NBPF20: variants seen among roughly 807,000 people sequenced by gnomAD.
NBPF20 encodes NBPF member 20, also known as NBPF family member NBPF20.
In NBPF20, 90 loss-of-function variants were observed where a neutral mutation model predicts 68.1. The ratio of observed to expected loss-of-function variants is 1.32; its 90% CI spans 1.11 to 1.58. The LOEUF (loss-of-function observed/expected upper bound fraction) is 1.58. Among genes scored for constraint, NBPF20 ranks in the 40% most tolerant of loss-of-function variants. The probability of loss-of-function intolerance (pLI) is 0.00; values close to 1 mark genes in which losing one functional copy is unlikely to be tolerated. For missense variants in NBPF20, 816 were observed against 601.2 expected (o/e 1.36, Z -3.74); for synonymous variants, 290 against 228.1 (o/e 1.27, Z -2.45).
chr1:145,406,082 CTAA>C (rs1553667287), upstream of NBPF20, among the ~76,000 whole-genome samples: 1 of 143,690 alleles, frequency 7.0e-6, no homozygotes, highest in African/African-American at 2.7e-5. Context: ...CCACGCCCGG[CTAA>C]TTTTTTTTTT....
chr1:145,334,849 G>A, intron 83 of NBPF20, among the ~76,000 whole-genome samples: 1 of 139,140 alleles, frequency 7.2e-6, no homozygotes, highest in Admixed American at 7.2e-5. Flanking sequence ...GAGAGAGAGA[G>A]AGAGAGAGAG....
chr1:145,401,242 C>A, intron 4 of NBPF20, 111 bp from the exon 10 acceptor site: 4 of 879,266 alleles, frequency 4.5e-6, no homozygotes, highest in Admixed American at 1.7e-5. Context: ...CACCGTTCAA[C>A]TGAAAACTCT....
chr1:145,407,155 G>A (rs1553667723), upstream of NBPF20, among the ~76,000 whole-genome samples: 1 of 148,948 alleles, frequency 6.7e-6, no homozygotes, highest in Non-Finnish European at 1.5e-5. Context: ...GAAGGGCATT[G>A]GTGTCTTTGT....
intron 137 of NBPF20, 113 bp from the exon 143 acceptor site, chr1:145,291,882 C>T (rs1325952350): frequency 3.8e-6 from 6 of 1,588,278 alleles, no homozygotes; most frequent in African/African-American, 2.8e-5. Context: ...AAGGATAGAT[C>T]CATTAATGAG....
chr1:145,403,759 G>A (rs1464905315), intron 2 of NBPF20, among the ~76,000 whole-genome samples: 1 of 151,804 alleles, frequency 6.6e-6, no homozygotes, highest in East Asian at 1.9e-4. Flanking sequence ...GGACAAGTAT[G>A]TGAAAGATTT....
the NBPF20 span, among the ~76,000 whole-genome samples, chr1:145,425,465 C>T: frequency 6.6e-6 from 1 of 152,214 alleles, no homozygotes; most frequent in Non-Finnish European, 1.5e-5. Flanking sequence ...TCCCGCGTTC[C>T]CAAAAGCACC....
chr1:145,398,543 C>T (rs1326160058), intron 7 of NBPF20, among the ~76,000 whole-genome samples: 12 of 152,192 alleles, frequency 7.9e-5, no homozygotes, highest in African/African-American at 2.7e-4. Flanking sequence ...AACAAAGACA[C>T]AACATATCAG....
intron 137 of NBPF20, 99 bp downstream of exon 142, chr1:145,292,282 T>A: frequency 3.3e-6 from 2 of 608,436 alleles, no homozygotes; most frequent in South Asian, 2.0e-5. Context: ...TAATTCAGCC[T>A]TCGTTGAAAA....
intron 8 of NBPF20, 48 bp downstream of exon 13, chr1:145,394,930 C>A: frequency 6.2e-7 from 1 of 1,610,050 alleles, no homozygotes; most frequent in South Asian, 1.1e-5. Context: ...ATGGGGTCTA[C>A]CTGGGCCATG....
chr1:145,409,924 ACT>A (rs1433541976), upstream of NBPF20, among the ~76,000 whole-genome samples: 1 of 150,974 alleles, frequency 6.6e-6, no homozygotes, highest in Non-Finnish European at 1.5e-5. Flanking sequence ...AGAAGTCAAA[ACT>A]CTCTTCCTCC....
chr1:145,415,021 G>A, the NBPF20 span, among the ~76,000 whole-genome samples: 20 of 152,248 alleles, frequency 1.3e-4, no homozygotes, highest in Middle Eastern at 3.4e-3. Context: ...GACCCATGCC[G>A]GCACTGGCCT....
intron 119 of NBPF20, among the ~76,000 whole-genome samples, chr1:145,306,298 C>T (rs1466171675): frequency 0.014 from 1,894 of 138,236 alleles, no homozygotes; most frequent in Non-Finnish European, 0.021. Flanking sequence ...CACACACACA[C>T]AGACACACAC....
chr1:145,408,144 G>A, upstream of NBPF20: 1 of 216,018 alleles, frequency 4.6e-6, no homozygotes, highest in Non-Finnish European at 1.0e-5. Flanking sequence ...TTATGAAATG[G>A]CCTCCCACCT....
At chr1:145,292,711 A>C (rs1553658479) in intron 136 of NBPF20, among the ~76,000 whole-genome samples, 1 of 142,570 alleles carries the variant, frequency 7.0e-6, no homozygotes, top group Non-Finnish European at 1.5e-5. Context: ...GTAGATCGTT[A>C]TCCCAATATC....
chr1:145,397,449 G>C (rs1343853476), intron 7 of NBPF20, among the ~76,000 whole-genome samples: 1 of 152,182 alleles, frequency 6.6e-6, no homozygotes, highest in African/African-American at 2.4e-5. Context: ...TTAAAGAAAA[G>C]AATTTTCAAC....
chr1:145,334,875 G>A (rs1661560537), intron 83 of NBPF20, among the ~76,000 whole-genome samples: 1 of 138,252 alleles, frequency 7.2e-6, no homozygotes, highest in African/African-American at 2.5e-5. Context: ...AGTAAGCTCA[G>A]CGAGTTGGCC....
upstream of NBPF20, among the ~76,000 whole-genome samples, chr1:145,409,681 A>G (rs1553668517): frequency 6.6e-6 from 1 of 150,974 alleles, no homozygotes; most frequent in African/African-American, 2.4e-5. Flanking sequence ...GAGACAAGAT[A>G]AGGGCCCCCA....
upstream of NBPF20, among the ~76,000 whole-genome samples, chr1:145,410,167 A>C (rs1194475324): frequency 3.3e-5 from 5 of 152,138 alleles, no homozygotes; most frequent in East Asian, 9.6e-4. Flanking sequence ...AGTGCTTTAT[A>C]TCCTCACCAA....
At chr1:145,405,818 A>C, upstream of NBPF20, 3 of 248,342 alleles carry the variant, frequency 1.2e-5, no homozygotes, top group Non-Finnish European at 2.3e-5. Flanking sequence ...AACATCATCA[A>C]GGCAGAAACA....
Sources: allele counts gnomAD v4.1 joint callset (sites outside exome capture counted in the v4.1 genomes callset), GRCh38; gene constraint gnomAD v4.1.1; transcripts MANE v1.5; gene names NCBI Gene and HGNC (gene_info 2026-07-23, HGNC 2026-07-21).